Variants in DEPDC5 observed in about 807,000 individuals in gnomAD.
DEPDC5 encodes GATOR1 complex protein DEPDC5.
In DEPDC5, 73 loss-of-function variants were observed where a neutral mutation model predicts 217.3. The observed-to-expected ratio is 0.34, with a 90% CI of 0.28 to 0.41. The LOEUF is 0.41. Ranked by LOEUF, DEPDC5 falls within the 10% of genes least tolerant of loss-of-function variation. The pLI, the probability that DEPDC5 is intolerant of heterozygous loss-of-function variation, is 1.00. For missense variants in DEPDC5, 1,675 were observed against 2,070.1 expected, an observed-to-expected ratio of 0.81 and a Z score of 3.70; for synonymous variants, 733 against 756.7, an observed-to-expected ratio of 0.97 and a Z score of 0.51.
chr22:31,783,609 A>T (rs1387610198), intron 8 of DEPDC5, among the ~76,000 whole-genome samples: 1 of 152,156 alleles, frequency 6.6e-6, no homozygotes, highest in East Asian at 1.9e-4. Context: ...TTGAGGCTGC[A>T]GTGAGCTGTG....
chr22:31,897,372 G>T, intron 39 of DEPDC5, 110 bp from the exon 40 acceptor site: 1 of 1,374,888 alleles, frequency 7.3e-7, no homozygotes. Flanking sequence ...AAATGAGCAT[G>T]CAAATCAATA....
intron 24 of DEPDC5, among the ~76,000 whole-genome samples, chr22:31,827,433 C>G (rs906207238): frequency 2.6e-5 from 4 of 152,216 alleles, no homozygotes; most frequent in African/African-American, 9.6e-5. Flanking sequence ...TTCCATCAGT[C>G]TTAGCCTGGC....
intron 20 of DEPDC5, among the ~76,000 whole-genome samples, chr22:31,813,614 T>C (rs2088700102): frequency 6.6e-6 from 1 of 152,060 alleles, no homozygotes; most frequent in Non-Finnish European, 1.5e-5. Context: ...GCTTCTTTCT[T>C]TTTGATCCTT....
chr22:31,801,210 C>G (rs1368865113), intron 14 of DEPDC5, among the ~76,000 whole-genome samples: 1 of 151,970 alleles, frequency 6.6e-6, no homozygotes, highest in Non-Finnish European at 1.5e-5. Context: ...GCAGGAAAAT[C>G]ACTTAAACCT....
intron 5 of DEPDC5, among the ~76,000 whole-genome samples, chr22:31,766,339 G>A (rs1254656048): frequency 6.6e-6 from 1 of 152,146 alleles, no homozygotes; most frequent in Non-Finnish European, 1.5e-5. Context: ...TACAGAATGA[G>A]TCCCCCACTA....
At chr22:31,811,336 C>G (rs879368927) in intron 20 of DEPDC5, among the ~76,000 whole-genome samples, 1 of 152,142 alleles carries the variant, frequency 6.6e-6, no homozygotes, top group African/African-American at 2.4e-5. Context: ...TCCCTAAGTG[C>G]TGGGATTACA....
chr22:31,840,914 A>G (rs188588866), intron 27 of DEPDC5, among the ~76,000 whole-genome samples: 1 of 152,350 alleles, frequency 6.6e-6, no homozygotes, highest in East Asian at 1.9e-4. Context: ...AATAAACCAC[A>G]AGTATATATT....
intron 4 of DEPDC5, 104 bp downstream of exon 4, chr22:31,760,806 C>CT: frequency 1.1e-6 from 1 of 922,814 alleles, no homozygotes; most frequent in Non-Finnish European, 1.6e-6. Context: ...TAATTCTCTT[C>CT]TTTTTTAAAC....
At chr22:31,784,148 A>G (rs2148407200) in intron 9 of DEPDC5, 163 bp downstream of exon 9, 1 of 559,094 alleles carries the variant, frequency 1.8e-6, no homozygotes, top group Non-Finnish European at 3.1e-6. Context: ...TTCTCGTTCT[A>G]AAGATACACT....
chr22:31,811,026 C>T (rs951668767), intron 20 of DEPDC5, among the ~76,000 whole-genome samples: 2 of 152,070 alleles, frequency 1.3e-5, no homozygotes, highest in African/African-American at 4.8e-5. Context: ...CTGCCCGCCT[C>T]GACCTCCCAA....
intron 18 of DEPDC5, among the ~76,000 whole-genome samples, chr22:31,808,007 A>G (rs1355360830): frequency 6.6e-6 from 1 of 152,142 alleles, no homozygotes; most frequent in Non-Finnish European, 1.5e-5. Context: ...GTGAAGTGCT[A>G]GGAGATGGGA....
intron 8 of DEPDC5, among the ~76,000 whole-genome samples, chr22:31,779,417 A>T (rs539166626): frequency 6.6e-6 from 1 of 152,348 alleles, no homozygotes; most frequent in Admixed American, 6.5e-5. Flanking sequence ...TGCTGGGGTG[A>T]AGAGTATTCC....
At chr22:31,810,809 C>G (rs1255088195) in intron 20 of DEPDC5, 168 bp downstream of exon 20, 1 of 1,119,558 alleles carries the variant, frequency 8.9e-7, no homozygotes, top group Non-Finnish European at 1.2e-6. Flanking sequence ...GAGTTTCGCT[C>G]TTGTTGCCCA....
At chr22:31,765,955 G>A (rs117789776) in intron 5 of DEPDC5, among the ~76,000 whole-genome samples, 2,482 of 152,144 alleles carry the variant, frequency 0.016, 36 homozygotes, top group Middle Eastern at 0.061. Context: ...CCCAGGAGGC[G>A]GAGGCTGCAG....
At chr22:31,864,501 A>AATATATATAT (rs34148134) in intron 33 of DEPDC5, among the ~76,000 whole-genome samples, 1,238 of 123,076 alleles carry the variant, frequency 0.01, 36 homozygotes, top group Admixed American at 0.017. Flanking sequence ...TCTTCATTAA[A>AATATATATAT]ATATATATAT....
intron 6 of DEPDC5, among the ~76,000 whole-genome samples, chr22:31,768,303 T>C (rs536217633): frequency 6.6e-6 from 1 of 151,022 alleles, no homozygotes; most frequent in Non-Finnish European, 1.5e-5. Flanking sequence ...TCATTTGAGG[T>C]TTTTTTTTCC....
chr22:31,807,342 A>G (rs1338858942), intron 18 of DEPDC5, among the ~76,000 whole-genome samples: 7 of 152,240 alleles, frequency 4.6e-5, no homozygotes, highest in South Asian at 2.1e-4. Context: ...CAATAGATCA[A>G]TGGCTGAAAT....
intron 39 of DEPDC5, among the ~76,000 whole-genome samples, chr22:31,896,155 A>G (rs1358483036): frequency 6.6e-6 from 1 of 152,202 alleles, no homozygotes; most frequent in African/African-American, 2.4e-5. Context: ...CTGTTCATGT[A>G]AAACCCACTG....
At chr22:31,787,166 G>C (rs977594458) in intron 10 of DEPDC5, among the ~76,000 whole-genome samples, 1 of 151,890 alleles carries the variant, frequency 6.6e-6, no homozygotes, top group Admixed American at 6.6e-5. Context: ...GCTCACTACA[G>C]CTTTGACCTC....
Sources: allele counts gnomAD v4.1 joint callset (sites outside exome capture counted in the v4.1 genomes callset), GRCh38; gene constraint gnomAD v4.1.1; transcripts MANE v1.5; gene names NCBI Gene and HGNC (gene_info 2026-07-23, HGNC 2026-07-21).